PLAA: variants seen among roughly 807,000 people sequenced by gnomAD.
PLAA encodes the protein phospholipase A-2-activating protein.
Under a neutral mutation model 84.1 loss-of-function variants are expected in PLAA, and 48 were observed. The observed-to-expected ratio is 0.57, with a 90% CI of 0.45 to 0.73. The LOEUF (loss-of-function observed/expected upper bound fraction) is 0.73. PLAA is among the 30% of genes least tolerant of loss of function. The pLI, the probability that PLAA is intolerant of heterozygous loss-of-function variation, is 0.00. For synonymous variants in PLAA, 392 were observed against 336.6 expected (o/e 1.16, Z -1.80); for missense variants, 903 against 954.7 (o/e 0.95, Z 0.71).
At chr9:26,907,245 A>G (rs564897924) in intron 13 of PLAA, among the ~76,000 whole-genome samples, 16 of 152,234 alleles carry the variant, frequency 1.1e-4, no homozygotes, top group African/African-American at 3.6e-4. Context: ...GAAACAGTAA[A>G]CAAACAGGTG....
rs770146150 is a variant in PLAA, at chr9:26,919,519, T to C, written c.1208A>G (p.Tyr403Cys). The change falls in exon 9 of 14, where the codon TAT (tyrosine) becomes TGT (cysteine). Residue 403 changes from tyrosine to cysteine, a missense_variant. Transcript: ENST00000397292. Reference protein sequence around the residue: ...KVLYEGKEFDYVFSIDVNEGG... With the variant: ...KVLYEGKEFDCVFSIDVNEGG... ...TTCATTGACATCAATTGAGAAAACA[T>C]AATCAAATTCCTAAAGTAGGAATAT... 41 of 1,582,976 alleles carry C rather than the reference T, an allele frequency of 2.6e-5. No homozygotes were observed. The highest frequency in any genetic ancestry group is 3.6e-5 in the Non-Finnish European group (41 of 1,153,892).
chr9:26,941,759 GAA>G (rs60262413), intron 1 of PLAA, among the ~76,000 whole-genome samples: 3 of 135,770 alleles, frequency 2.2e-5, no homozygotes, highest in Non-Finnish European at 1.6e-5. Flanking sequence ...TTACAGCCAA[GAA>G]AAAAAAAAAA....
Position 26,913,888 on chromosome 9 carries a change from G to T in PLAA, c.1546C>A (p.Pro516Thr). Residue 516 changes from proline (P) to threonine (T), a missense_variant, in exon 11 of 14, where the codon CCA becomes ACA. Transcript: ENST00000397292. ...AATAAAAAGTATGTACCTGTAAATG[G>T]ATCAACTCCGGCCATGGTAGTTCCC... ...SMGTTMAGVD[P>T]FTGNSAYRSA... is the part of the protein sequence containing the mutation. The T allele has an allele frequency of 6.2e-7, 1 of 1,608,394 alleles. No homozygotes were observed. Among genetic ancestry groups the T allele is most frequent in the Non-Finnish European group, 8.5e-7 (1 of 1,175,298 alleles).
chr9:26,914,705 C>T (rs990631939), intron 10 of PLAA, among the ~76,000 whole-genome samples: 1 of 151,404 alleles, frequency 6.6e-6, no homozygotes, highest in East Asian at 2.1e-4. Context: ...TATATAGATA[C>T]CATTATAATT....
intron 12 of PLAA, among the ~76,000 whole-genome samples, chr9:26,909,029 T>C (rs1191683102): frequency 2.0e-5 from 3 of 152,216 alleles, no homozygotes; most frequent in East Asian, 3.9e-4. Context: ...TTTCTTCCCA[T>C]GTTCTCATTT....
chr9:26,936,788 C>T (rs777190609), intron 1 of PLAA, among the ~76,000 whole-genome samples: 1 of 152,126 alleles, frequency 6.6e-6, no homozygotes, highest in Non-Finnish European at 1.5e-5. Flanking sequence ...TGTTGCACCT[C>T]CCCCGGTTGA....
chr9:26,926,708 T>C (rs780557863), intron 4 of PLAA, 148 bp from the exon 5 acceptor site: 44 of 552,088 alleles, frequency 8.0e-5, no homozygotes, highest in African/African-American at 7.3e-4. Flanking sequence ...GAAAGCCTGA[T>C]AACCAAAATT....
At position 26,905,974 on chromosome 9, in the gene PLAA, T is replaced by C. The variant is rs2131361245; in HGVS notation, c.1925A>G (p.His642Arg). 1 of 1,614,112 alleles carries C rather than the reference T, an allele frequency of 6.2e-7. No individual in the cohort carries two copies. The highest frequency in any genetic ancestry group is 8.5e-7 in the Non-Finnish European group (1 of 1,179,988). ...NEKEGAQFSS[H>R]LINLLNPKGK... Reference sequence around the variant, plus strand: ...TTTAGGGTTCAGAAGATTGATAAGATGACTGCTGAACTGAGCCCCTTCCTT... The same window carrying C: ...TTTAGGGTTCAGAAGATTGATAAGACGACTGCTGAACTGAGCCCCTTCCTT... Residue 642 changes from histidine to arginine, a missense_variant, in exon 14 of 14, where the codon CAT becomes CGT. By Grantham distance (29) the His-to-Arg change is conservative. Transcript: ENST00000397292.
chr9:26,907,257 A>C (rs2131362949), intron 13 of PLAA, among the ~76,000 whole-genome samples: 1 of 152,210 alleles, frequency 6.6e-6, no homozygotes, highest in East Asian at 1.9e-4. Context: ...AAACAGGTGC[A>C]TGCCCGGGCG....
In PLAA at chr9:26,926,027, T is replaced by G. The variant is rs556721853; in HGVS notation, c.734-67A>C. 19 of 1,293,678 alleles carry G rather than the reference T, an allele frequency of 1.5e-5. No individual in the cohort carries two copies. The East Asian group carries it at 4.6e-4, about 31-fold the overall frequency. The allele number at this position is 1,293,678 out of a possible 1,614,324, so 80.1% of individuals were successfully genotyped here. Reference sequence around the variant, plus strand: ...TAAGTACATTTATACATACCATCTTTCTAGATACACTGACTTTTTGAAACC... The same window carrying G: ...TAAGTACATTTATACATACCATCTTGCTAGATACACTGACTTTTTGAAACC... On this transcript the variant is annotated intron_variant, in intron 5 of 13. Coordinates refer to ENST00000397292, the MANE Select transcript of PLAA (RefSeq NM_001031689.3).
chr9:26,923,022 A>G (rs529195208), intron 7 of PLAA, among the ~76,000 whole-genome samples, 156 bp downstream of exon 7: 2 of 152,304 alleles, frequency 1.3e-5, no homozygotes, highest in African/African-American at 4.8e-5. Flanking sequence ...AGGCAAGAAC[A>G]TGGTTTCTCA....
chr9:26,918,279 AT>A (rs1824634774), intron 9 of PLAA, among the ~76,000 whole-genome samples: 1 of 132,338 alleles, frequency 7.6e-6, no homozygotes, highest in African/African-American at 3.0e-5. Context: ...CACCTGGCTA[AT>A]TTTTTGTATT....
Position 26,905,300 on chromosome 9 carries a change from C to A in PLAA, c.*211G>T, listed in dbSNP as rs1345479503. ...AGCTTATTTTAAATTTGTGTTCACA[C>A]TCTTGAAAATCTACCCAAATTACAC... On this transcript the variant is annotated 3_prime_UTR_variant, in exon 14 of 14. Coordinates refer to ENST00000397292, the MANE Select transcript of PLAA (RefSeq NM_001031689.3). 1 of 526,638 alleles carries A rather than the reference C, an allele frequency of 1.9e-6. No individual in the cohort carries two copies. The highest frequency in any genetic ancestry group is 3.3e-6 in the Non-Finnish European group (1 of 298,914). 32.6% of individuals were successfully genotyped at this position (526,638 alleles called of 1,614,324 possible). A position where few individuals can be genotyped will look rare whatever the true frequency, so the allele number is the denominator to read the frequency against.
At chr9:26,913,812 C>T (rs1824466012) in intron 11 of PLAA, 67 bp downstream of exon 11, 3 of 1,159,176 alleles carry the variant, frequency 2.6e-6, no homozygotes, top group African/African-American at 1.6e-5. Context: ...TTTTCTTACT[C>T]TTTTTATTAA....
chr9:26,915,586 C>G (rs1449951111), intron 10 of PLAA: 2 of 586,110 alleles, frequency 3.4e-6, no homozygotes, highest in African/African-American at 4.0e-5. Flanking sequence ...TTTTGCTTAA[C>G]ACTTACACAT....
rs984066828 is a variant in PLAA at position 26,912,961 on chromosome 9, G to C, written c.1555+918C>G. On this transcript the variant is annotated intron_variant, in intron 11 of 13. Coordinates refer to ENST00000397292, the MANE Select transcript of PLAA (RefSeq NM_001031689.3). Reference sequence around the variant, plus strand: ...CCAAGTGATGGACATGGTAGTGTGCGCATGTAAACCCAACTACTCAGGAGG... The same window carrying C: ...CCAAGTGATGGACATGGTAGTGTGCCCATGTAAACCCAACTACTCAGGAGG... Among the ~76,000 whole-genome samples, 4 of 152,120 alleles carry C rather than the reference G, an allele frequency of 2.6e-5. No homozygotes were observed. The South Asian group carries it at 6.2e-4, about 24-fold the overall frequency.
intron 2 of PLAA, among the ~76,000 whole-genome samples, chr9:26,929,659 T>C (rs1825105906): frequency 1.3e-5 from 2 of 152,194 alleles, no homozygotes; most frequent in African/African-American, 2.4e-5. Context: ...GATTTCAGAA[T>C]GGCTCTAGAT....
At chr9:26,914,467 T>C (rs886071011) in intron 10 of PLAA, among the ~76,000 whole-genome samples, 1 of 152,048 alleles carries the variant, frequency 6.6e-6, no homozygotes, top group Non-Finnish European at 1.5e-5. Context: ...TCAGCCTTTA[T>C]GGGAAGAAGA....
chr9:26,943,918 C>T (rs77067760), intron 1 of PLAA, among the ~76,000 whole-genome samples: 5,471 of 152,260 alleles, frequency 0.036, 161 homozygotes, highest in South Asian at 0.099. Context: ...CATGCCATTG[C>T]ATTCCAGCCT....
Sources: gnomAD v4.1 joint callset for allele counts (sites outside exome capture counted in the v4.1 genomes callset) on GRCh38, gnomAD v4.1.1 for gene constraint, MANE v1.5 for transcripts, NCBI Gene and HGNC (gene_info 2026-07-23, HGNC 2026-07-21) for gene names.